The following PCDHA9 variants were observed in gnomAD, a reference collection of about 807,000 sequenced individuals.
PCDHA9 encodes protocadherin alpha 9.
PCDHA9 carries 62 observed loss-of-function variants against 62.0 expected under a neutral mutation model. The observed-to-expected ratio is 1.00, with a 90% confidence interval of 0.81 to 1.23. The LOEUF (loss-of-function observed/expected upper bound fraction) is 1.23. Among genes scored for constraint, PCDHA9 ranks in the 50% most tolerant of loss-of-function variants. PCDHA9 has a pLI of 0.00. For synonymous variants in PCDHA9, 557 were observed against 567.6 expected (o/e 0.98, Z 0.27); for missense variants, 1,205 against 1,249.8 (o/e 0.96, Z 0.54).
chr5:140,956,522 C>T (rs1043265748), intron 1 of PCDHA9, among the ~76,000 whole-genome samples: 14 of 152,116 alleles, frequency 9.2e-5, no homozygotes, highest in Non-Finnish European at 1.9e-4. Flanking sequence ...GGTGAATAAG[C>T]TTTTTGATGT....
intron 1 of PCDHA9, among the ~76,000 whole-genome samples, chr5:140,893,926 C>G (rs1481035774): frequency 6.6e-6 from 1 of 152,180 alleles, no homozygotes; most frequent in Non-Finnish European, 1.5e-5. Context: ...TTTTCAGAAT[C>G]TCTACCTGTT....
In PCDHA9 at chr5:140,993,459, T is replaced by TTC. The variant is rs202191067; in HGVS notation, c.2542+10899_2542+10900dup. 1.1e-4 allele frequency among the ~76,000 whole-genome samples: 9 copies of TTC among 83,038 alleles called. No individual in the cohort carries two copies. The East Asian group carries it at 1.5e-3, about 13-fold the overall frequency. 54.5% of individuals were successfully genotyped at this position (83,038 alleles called of 152,430 possible). Reference sequence around the variant, plus strand: ...ATTCATTCCTGTTCTCCTTCTTTCTTTCTCACACACACACACACACACACA... The same window carrying TTC: ...ATTCATTCCTGTTCTCCTTCTTTCTTTCTCTCACACACACACACACACACACA... On this transcript the variant is annotated intron_variant, in intron 3 of 3. Coordinates refer to ENST00000532602, the MANE Select transcript of PCDHA9 (RefSeq NM_031857.2).
intron 1 of PCDHA9, chr5:140,857,957 G>T (rs2045052132): frequency 6.3e-7 from 1 of 1,597,294 alleles, no homozygotes; most frequent in African/African-American, 1.3e-5. Flanking sequence ...GCGCGCTCTG[G>T]ATGAGACTGA....
chr5:140,983,100 T>C (rs2097027056), intron 3 of PCDHA9, among the ~76,000 whole-genome samples: 1 of 152,232 alleles, frequency 6.6e-6, no homozygotes, highest in African/African-American at 2.4e-5. Flanking sequence ...AATCTGCTTC[T>C]CTCTGCACAT....
intron 1 of PCDHA9, chr5:140,863,244 G>A (rs1292060203): frequency 7.3e-7 from 1 of 1,361,116 alleles, no homozygotes; most frequent in Non-Finnish European, 1.0e-6. Context: ...GGGCTTTGGC[G>A]GGCGTCGAGG....
intron 1 of PCDHA9, chr5:140,857,210 C>T (rs2044424463): frequency 1.3e-6 from 2 of 1,598,628 alleles, no homozygotes; most frequent in East Asian, 4.5e-5. Flanking sequence ...CACCTGCTCT[C>T]TGACGCCTCA....
chr5:140,904,522 C>T (rs1241157884), intron 1 of PCDHA9, among the ~76,000 whole-genome samples: 1 of 151,956 alleles, frequency 6.6e-6, no homozygotes, highest in Admixed American at 6.6e-5. Flanking sequence ...CTGCTATAAA[C>T]TTGTGTGTTC....
intron 1 of PCDHA9, chr5:140,968,681 A>G: frequency 1.9e-6 from 3 of 1,614,158 alleles, no homozygotes; most frequent in Non-Finnish European, 2.5e-6. Context: ...AGAGCTGCAC[A>G]CAGGAGAAAT....
chr5:140,968,201 C>T, intron 1 of PCDHA9: 1 of 1,614,032 alleles, frequency 6.2e-7, no homozygotes, highest in Non-Finnish European at 8.5e-7. Context: ...CATCTACATA[C>T]AGGAGAACAA....
chr5:140,929,112 C>A, intron 1 of PCDHA9: 1 of 1,614,130 alleles, frequency 6.2e-7, no homozygotes, highest in South Asian at 1.1e-5. Flanking sequence ...TGACATCAGC[C>A]ACCATAGATG....
chr5:140,849,790 C>A lies in PCDHA9; in HGVS notation c.1295C>A (p.Ser432Ter), dbSNP rs2150450402. The change falls in exon 1 of 4, where the codon TCG becomes TAG. Residue 432 changes from serine to a stop codon, truncating the protein, a stop_gained. Coordinates refer to ENST00000532602, the MANE Select transcript of PCDHA9 (RefSeq NM_031857.2). LOFTEE classifies it high-confidence loss of function. ...ELVVTARDGG[S>*]PSLWATARVS... ...GTGGTTACCGCGCGGGACGGGGGCT[C>A]GCCTTCACTGTGGGCCACGGCCAGG... 1.3e-6 allele frequency: 2 copies of A among 1,598,236 alleles called. No individual in the cohort carries two copies. Among genetic ancestry groups the A allele is most frequent in the Admixed American group, 3.4e-5 (2 of 59,282 alleles).
chr5:140,927,734 G>A, intron 1 of PCDHA9: 1 of 1,614,196 alleles, frequency 6.2e-7, no homozygotes, highest in Non-Finnish European at 8.5e-7. Context: ...GCAGAGCTGC[G>A]ACACCGCTTT....
chr5:140,970,625 A>C (rs534910839), intron 1 of PCDHA9, among the ~76,000 whole-genome samples: 1 of 152,316 alleles, frequency 6.6e-6, no homozygotes, highest in Non-Finnish European at 1.5e-5. Context: ...CAAAAGCCAA[A>C]ATTTTGTACC....
At chr5:140,934,738 C>T (rs1342430086) in intron 1 of PCDHA9, among the ~76,000 whole-genome samples, 1 of 152,078 alleles carries the variant, frequency 6.6e-6, no homozygotes, top group Admixed American at 6.5e-5. Flanking sequence ...TTTTAGGTGT[C>T]ATTATGAACT....
intron 1 of PCDHA9, among the ~76,000 whole-genome samples, chr5:140,893,362 C>T (rs782554595): frequency 6.6e-5 from 10 of 152,110 alleles, no homozygotes; most frequent in African/African-American, 9.7e-5. Flanking sequence ...TACATGCCCA[C>T]CAACAGCATT....
intron 1 of PCDHA9, chr5:140,928,951 G>C (rs2032668535): frequency 6.2e-7 from 1 of 1,614,028 alleles, no homozygotes; most frequent in Non-Finnish European, 8.5e-7. Flanking sequence ...TTTAGTAATT[G>C]CCTTGGCTTG....
intron 1 of PCDHA9, among the ~76,000 whole-genome samples, chr5:140,904,446 T>C (rs34807894): frequency 0.32 from 47,642 of 151,146 alleles, 7,868 homozygotes; most frequent in East Asian, 0.52. Context: ...TATTACAATT[T>C]CTTTATACAC....
intron 1 of PCDHA9, among the ~76,000 whole-genome samples, chr5:140,898,010 T>A (rs2066467224): frequency 6.6e-6 from 1 of 152,240 alleles, no homozygotes; most frequent in African/African-American, 2.4e-5. Context: ...TCTGTTCATA[T>A]CCTTTGCCCA....
intron 1 of PCDHA9, among the ~76,000 whole-genome samples, chr5:140,903,696 A>G (rs2153481433): frequency 6.6e-6 from 1 of 152,370 alleles, no homozygotes; most frequent in East Asian, 1.9e-4. Context: ...ATAGTTTAAA[A>G]TAGTAATAAA....
Sources: allele counts gnomAD v4.1 joint callset (sites outside exome capture counted in the v4.1 genomes callset), GRCh38; gene constraint gnomAD v4.1.1; transcripts MANE v1.5; gene names NCBI Gene and HGNC (gene_info 2026-07-23, HGNC 2026-07-21).